The following DLGAP1 variants were observed in gnomAD, a reference collection of about 807,000 sequenced individuals.
The protein encoded by DLGAP1 is DLG associated protein 1.
In DLGAP1, 11 loss-of-function variants were observed where a neutral mutation model predicts 90.8. The ratio of observed to expected loss-of-function variants is 0.12; its 90% confidence interval spans 0.08 to 0.20. DLGAP1 has a LOEUF of 0.20. DLGAP1 is among the 10% of genes least tolerant of loss of function. DLGAP1 has a pLI of 1.00. For missense variants in DLGAP1, 1,050 were observed against 1,333.8 expected (o/e 0.79, Z 3.31); for synonymous variants, 558 against 540.7 (o/e 1.03, Z -0.44).
At chr18:3,796,605 C>T (rs751102526) in intron 5 of DLGAP1, among the ~76,000 whole-genome samples, 12 of 152,114 alleles carry the variant, frequency 7.9e-5, no homozygotes, top group East Asian at 5.8e-4. Flanking sequence ...GAAGCAGACA[C>T]GTAAGGTGAG....
rs1037356152 is a variant in DLGAP1 at position 4,002,765 on chromosome 18, T to C, written c.-73+2351A>G. Among the ~76,000 whole-genome samples, 5 of 152,170 alleles carry C rather than the reference T, an allele frequency of 3.3e-5. 1 individual carries two copies. The highest frequency in any genetic ancestry group is 1.2e-4 in the African/African-American group (5 of 41,430). On this transcript the variant is annotated intron_variant, in intron 3 of 12. Coordinates refer to ENST00000315677, the MANE Select transcript of DLGAP1 (RefSeq NM_004746.4). ...ATCGCCACATTATTCCGGGGTCAACTATTGTTTAATCAGCATGGTCATATT... is the reference window on the plus strand; with the variant it reads ...ATCGCCACATTATTCCGGGGTCAACCATTGTTTAATCAGCATGGTCATATT...
chr18:3,582,965 A>G (rs1340695254), intron 7 of DLGAP1, among the ~76,000 whole-genome samples: 7 of 150,986 alleles, frequency 4.6e-5, no homozygotes, highest in Non-Finnish European at 1.0e-4. Flanking sequence ...TGTGTTGCCC[A>G]GGCTGGTCTT....
In DLGAP1 at chr18:3,869,902, T is replaced by A. The variant is rs558058398; in HGVS notation, c.957+9210A>T. 2.6e-5 allele frequency among the ~76,000 whole-genome samples: 4 copies of A among 152,354 alleles called. No individual in the cohort carries two copies. The South Asian group carries it at 8.3e-4, about 32-fold the overall frequency. The stretch of plus-strand genomic sequence containing the variant: ...TCTCAAATTTGAAGTTAAATTTGTT[T>A]CTAAGACCTGAAGCAAACACAGTCA... On this transcript the variant is annotated intron_variant, in intron 4 of 12. Transcript: ENST00000315677.
At chr18:3,713,450 G>C (rs1049894635) in intron 7 of DLGAP1, among the ~76,000 whole-genome samples, 1 of 152,210 alleles carries the variant, frequency 6.6e-6, no homozygotes, top group Admixed American at 6.5e-5. Flanking sequence ...TTGTGCATGT[G>C]GGGGAGGCTT....
chr18:4,217,150 G>C (rs1449928129), intron 1 of DLGAP1, among the ~76,000 whole-genome samples: 1 of 151,936 alleles, frequency 6.6e-6, no homozygotes, highest in East Asian at 1.9e-4. Flanking sequence ...GCCTTTTCTG[G>C]CTGCCTCCTT....
At chr18:4,079,713 T>C (rs60760568) in intron 2 of DLGAP1, among the ~76,000 whole-genome samples, 3 of 134,614 alleles carry the variant, frequency 2.2e-5, no homozygotes, top group Non-Finnish European at 4.9e-5. Context: ...TATATATATA[T>C]AAAAGAAAAT....
intron 2 of DLGAP1, among the ~76,000 whole-genome samples, chr18:4,127,635 A>C (rs567674962): frequency 6.6e-6 from 1 of 152,326 alleles, no homozygotes; most frequent in South Asian, 2.1e-4. Flanking sequence ...GAAAAACATA[A>C]CTCAGCATAA....
intron 1 of DLGAP1, among the ~76,000 whole-genome samples, chr18:4,199,291 G>A (rs1320703813): frequency 6.6e-6 from 1 of 152,168 alleles, no homozygotes; most frequent in Non-Finnish European, 1.5e-5. Context: ...CTTCTCCAGC[G>A]TGGCGTAAAG....
At chr18:4,442,707 G>A (rs1343418863) in intron 1 of DLGAP1, among the ~76,000 whole-genome samples, 3 of 152,146 alleles carry the variant, frequency 2.0e-5, no homozygotes, top group Non-Finnish European at 1.5e-5. Context: ...AAAAGTTAAT[G>A]TCCTCATATA....
intron 2 of DLGAP1, among the ~76,000 whole-genome samples, chr18:4,031,083 C>T (rs899287860): frequency 6.6e-6 from 1 of 151,992 alleles, no homozygotes; most frequent in Non-Finnish European, 1.5e-5. Context: ...AAACATGGCG[C>T]CATTCCTATT....
chr18:4,454,347 A>C lies in DLGAP1; in HGVS notation c.-267+659T>G, dbSNP rs114055622. Among the ~76,000 whole-genome samples the C allele has an allele frequency of 1.4e-3, 205 of 151,772 alleles. No individual in the cohort carries two copies. Among genetic ancestry groups the C allele is most frequent in the African/African-American group, 4.8e-3 (198 of 41,366 alleles). On this transcript the variant is annotated intron_variant, in intron 1 of 12. Coordinates refer to ENST00000315677, the MANE Select transcript of DLGAP1 (RefSeq NM_004746.4). This position sits in a 1 kb window ranked among gnomAD's most constrained non-coding sequence, Gnocchi z 4.7. ...CCGGCCCGCCCCGCGATTCTCCGGGAATTGGCCTTGGCCGCGGGCAGGGGG... is the reference window on the plus strand; with the variant it reads ...CCGGCCCGCCCCGCGATTCTCCGGGCATTGGCCTTGGCCGCGGGCAGGGGG...
intron 1 of DLGAP1, among the ~76,000 whole-genome samples, chr18:4,169,532 A>C (rs2076988982): frequency 6.6e-6 from 1 of 152,212 alleles, no homozygotes; most frequent in Non-Finnish European, 1.5e-5. Flanking sequence ...GCTATCATTA[A>C]CACATACTTT....
intron 3 of DLGAP1, among the ~76,000 whole-genome samples, chr18:4,003,742 C>G (rs1438487322): frequency 6.6e-6 from 1 of 152,106 alleles, no homozygotes; most frequent in Middle Eastern, 3.2e-3. Flanking sequence ...CAAGTGGATG[C>G]TGGAAATGAC....
intron 3 of DLGAP1, chr18:3,885,339 G>A (rs933910936): frequency 5.3e-5 from 8 of 152,156 alleles, no homozygotes; most frequent in Non-Finnish European, 1.0e-4. Flanking sequence ...CTGCAAAGAC[G>A]ACCAAATGCC....
chr18:3,794,580 G>A (rs1161512544), intron 5 of DLGAP1, among the ~76,000 whole-genome samples: 1 of 152,222 alleles, frequency 6.6e-6, no homozygotes, highest in Non-Finnish European at 1.5e-5. Context: ...TATAAAGAGA[G>A]CTTCTCACAC....
rs1273318874 is a variant in DLGAP1 at position 3,821,754 on chromosome 18, G to T, written c.958-7481C>A. On this transcript the variant is annotated intron_variant, in intron 4 of 12. Coordinates refer to ENST00000315677, the MANE Select transcript of DLGAP1 (RefSeq NM_004746.4). ...TTAAGGGTGGCTTGGGAGCCTTGAA[G>T]CATCCCAACAGCGTTTTAGCATTTG... 5.3e-5 allele frequency: 15 copies of T among 283,010 alleles called. 1 individual carries two copies. Among genetic ancestry groups the T allele is most frequent in the African/African-American group, 3.2e-4 (14 of 43,824 alleles). 17.5% of individuals were successfully genotyped at this position (283,010 alleles called of 1,614,324 possible).
At chr18:3,647,815 A>G in intron 7 of DLGAP1, among the ~76,000 whole-genome samples, 1 of 152,152 alleles carries the variant, frequency 6.6e-6, no homozygotes, top group Non-Finnish European at 1.5e-5. Context: ...ACCCCATTTT[A>G]CAGATGAGGA....
intron 1 of DLGAP1, among the ~76,000 whole-genome samples, chr18:4,152,098 G>A (rs2076684151): frequency 6.6e-6 from 1 of 152,182 alleles, no homozygotes; most frequent in African/African-American, 2.4e-5. Flanking sequence ...GCTGAGCTAT[G>A]AGTTTCCTTT....
intron 1 of DLGAP1, among the ~76,000 whole-genome samples, chr18:4,328,987 G>A (rs969228873): frequency 1.3e-5 from 2 of 151,688 alleles, no homozygotes; most frequent in Non-Finnish European, 2.9e-5. Flanking sequence ...GTCTGTAGCT[G>A]GTCTTTTAAT....
Sources: gnomAD v4.1 joint callset for allele counts (sites outside exome capture counted in the v4.1 genomes callset) on GRCh38, gnomAD v4.1.1 for gene constraint, Gnocchi (gnomAD v3.1) non-coding constraint, MANE v1.5 for transcripts, NCBI Gene and HGNC (gene_info 2026-07-23, HGNC 2026-07-21) for gene names.